TBC1D22A: variants seen among roughly 807,000 people sequenced by gnomAD.
TBC1D22A encodes putative GTPase activator.
A neutral mutation model predicts 60.2 loss-of-function variants in TBC1D22A; 38 were observed. The observed-to-expected ratio is 0.63, with a 90% CI of 0.49 to 0.83. The LOEUF (loss-of-function observed/expected upper bound fraction) is 0.83, where lower values mean the gene tolerates loss of function less well. Ranked by LOEUF, TBC1D22A falls within the 40% of genes least tolerant of loss-of-function variation. The pLI is 0.00. For synonymous variants in TBC1D22A, 302 were observed against 281.7 expected (o/e 1.07, Z -0.72); for missense variants, 628 against 701.0 (o/e 0.90, Z 1.18).
At chr22:47,029,921 C>T (rs1460686802) in intron 10 of TBC1D22A, among the ~76,000 whole-genome samples, 1 of 152,146 alleles carries the variant, frequency 6.6e-6, no homozygotes, top group Admixed American at 6.5e-5. Context: ...TCAACCCTTC[C>T]CACCCTCTGC....
chr22:47,007,451 G>C (rs1448044865), intron 10 of TBC1D22A, among the ~76,000 whole-genome samples: 1 of 152,214 alleles, frequency 6.6e-6, no homozygotes, highest in Non-Finnish European at 1.5e-5. Flanking sequence ...GGAGCCCTTG[G>C]GAAGGCTTTC....
At chr22:46,812,017 A>G (rs751688091) in intron 4 of TBC1D22A, among the ~76,000 whole-genome samples, 10 of 152,088 alleles carry the variant, frequency 6.6e-5, no homozygotes, top group African/African-American at 1.7e-4. Context: ...GTGGTTGCCA[A>G]GGTCTGGAAA....
intron 4 of TBC1D22A, among the ~76,000 whole-genome samples, chr22:46,816,176 C>T (rs531127745): frequency 1.3e-5 from 2 of 152,172 alleles, no homozygotes; most frequent in African/African-American, 2.4e-5. Flanking sequence ...CTGCTCTTGG[C>T]GGCAGCTCCT....
intron 9 of TBC1D22A, among the ~76,000 whole-genome samples, chr22:46,993,945 G>GAC (rs1167424653): frequency 6.6e-6 from 1 of 152,242 alleles, no homozygotes; most frequent in East Asian, 1.9e-4. Context: ...CTCGCCCTCG[G>GAC]GGGGTGGGGC....
In TBC1D22A at chr22:47,028,090, C is replaced by G. The variant is rs57121819; in HGVS notation, c.1202-8981C>G. ...GGGTGTGCTGAGTAGCTCGTGTGCA[C>G]GTCTGTGAGGTGAAAATGATTTAAT... is the stretch of plus-strand genomic sequence containing the variant. On this transcript the variant is annotated intron_variant, in intron 10 of 12. Coordinates refer to ENST00000337137, the MANE Select transcript of TBC1D22A (RefSeq NM_014346.5). This position sits in a 1 kb window ranked among gnomAD's most constrained non-coding sequence, Gnocchi z 4.4. 5.9e-5 allele frequency among the ~76,000 whole-genome samples: 9 copies of G among 152,104 alleles called. No homozygotes were observed. The highest frequency in any genetic ancestry group is 1.9e-4 in the African/African-American group (8 of 41,406).
intron 10 of TBC1D22A, among the ~76,000 whole-genome samples, chr22:47,016,624 T>A (rs1414503575): frequency 6.6e-6 from 1 of 152,140 alleles, no homozygotes; most frequent in Non-Finnish European, 1.5e-5. Flanking sequence ...GTCCCGAAGC[T>A]CTTCCACTTA....
chr22:47,036,227 T>C (rs949752349), intron 10 of TBC1D22A, among the ~76,000 whole-genome samples: 2 of 152,102 alleles, frequency 1.3e-5, no homozygotes, highest in African/African-American at 4.8e-5. Flanking sequence ...TAATTAGTAA[T>C]GATTATTTGT....
Position 47,147,427 on chromosome 22 carries a change from C to T in TBC1D22A, c.1426-26071C>T, listed in dbSNP as rs760173725. ...CTTGACCTTGAGTGGATCCTGCTGCCGGCCTGGTATATAGCATGTGGTGGT... is the reference window on the plus strand; with the variant it reads ...CTTGACCTTGAGTGGATCCTGCTGCTGGCCTGGTATATAGCATGTGGTGGT... On this transcript the variant is annotated intron_variant, in intron 12 of 12. Coordinates refer to ENST00000337137, the MANE Select transcript of TBC1D22A (RefSeq NM_014346.5). Among the ~76,000 whole-genome samples, 25 of 152,172 alleles carry T rather than the reference C, an allele frequency of 1.6e-4. 1 individual carries two copies. Among genetic ancestry groups the T allele is most frequent in the Non-Finnish European group, 3.1e-4 (21 of 68,032 alleles).
At chr22:46,774,319 C>T in intron 1 of TBC1D22A, 1 of 939,222 alleles carries the variant, frequency 1.1e-6, no homozygotes, top group Non-Finnish European at 1.3e-6. Context: ...GGGAACAGGG[C>T]TGCCTGGGCT....
chr22:47,172,611 A>G (rs2068527559), intron 12 of TBC1D22A, among the ~76,000 whole-genome samples: 1 of 152,220 alleles, frequency 6.6e-6, no homozygotes, highest in Admixed American at 6.5e-5. Flanking sequence ...ATCAAATGTC[A>G]CTTCCACAGA....
chr22:47,112,338 C>T (rs1208349752), intron 12 of TBC1D22A, among the ~76,000 whole-genome samples: 3 of 152,212 alleles, frequency 2.0e-5, no homozygotes, highest in Non-Finnish European at 4.4e-5. Context: ...CAAGGAAGAC[C>T]CCAGCAGTGG....
intron 4 of TBC1D22A, among the ~76,000 whole-genome samples, chr22:46,814,733 G>A (rs760009957): frequency 1.3e-5 from 2 of 151,622 alleles, no homozygotes; most frequent in African/African-American, 2.4e-5. Context: ...TGCAACCTCC[G>A]CCTCACAGGT....
intron 11 of TBC1D22A, among the ~76,000 whole-genome samples, chr22:47,089,052 C>G (rs2147604625): frequency 6.6e-6 from 1 of 152,154 alleles, no homozygotes; most frequent in South Asian, 2.1e-4. Flanking sequence ...ATTGCTTCCA[C>G]AAAAGCAGGA....
intron 8 of TBC1D22A, 83 bp from the exon 9 acceptor site, chr22:46,974,206 CT>C (rs1333240041): frequency 8.7e-7 from 1 of 1,153,242 alleles, no homozygotes; most frequent in Non-Finnish European, 1.3e-6. Context: ...GCAGGCTCAG[CT>C]CTGTTCCTCC....
chr22:46,848,790 CTT>C (rs1390659797), intron 4 of TBC1D22A, among the ~76,000 whole-genome samples: 1 of 152,064 alleles, frequency 6.6e-6, no homozygotes, highest in Non-Finnish European at 1.5e-5. Flanking sequence ...CTCACGTACA[CTT>C]TGGGTTGCAG....
intron 1 of TBC1D22A, among the ~76,000 whole-genome samples, chr22:46,767,678 G>A (rs2083333494): frequency 6.6e-6 from 1 of 152,174 alleles, no homozygotes; most frequent in South Asian, 2.1e-4. Flanking sequence ...GGCAGGTGTG[G>A]TGGTGAGAAG....
intron 12 of TBC1D22A, among the ~76,000 whole-genome samples, chr22:47,149,476 C>T (rs1001244145): frequency 3.9e-5 from 6 of 152,280 alleles, no homozygotes; most frequent in Admixed American, 2.0e-4. Context: ...GCCACCCCCA[C>T]GGCCACAGGC....
At chr22:47,138,122 G>A (rs892367694) in intron 12 of TBC1D22A, among the ~76,000 whole-genome samples, 6 of 152,198 alleles carry the variant, frequency 3.9e-5, no homozygotes, top group South Asian at 4.1e-4. Flanking sequence ...CTTGTGAGCC[G>A]CAGTCCTCGT....
At chr22:46,942,733 C>T (rs1016908003) in intron 8 of TBC1D22A, among the ~76,000 whole-genome samples, 1 of 152,124 alleles carries the variant, frequency 6.6e-6, no homozygotes, top group Non-Finnish European at 1.5e-5. Context: ...CCCGAGGGAT[C>T]CTTGCTGAGA....
Sources: gnomAD v4.1 joint callset for allele counts (sites outside exome capture counted in the v4.1 genomes callset) on GRCh38, gnomAD v4.1.1 for gene constraint, Gnocchi (gnomAD v3.1) non-coding constraint, MANE v1.5 for transcripts, NCBI Gene and HGNC (gene_info 2026-07-23, HGNC 2026-07-21) for gene names.